FANCB: variants seen among roughly 807,000 people sequenced by gnomAD.
FANCB encodes the protein Fanconi anemia group B protein.
A neutral mutation model predicts 38.9 loss-of-function variants in FANCB; 5 were observed. The ratio of observed to expected loss-of-function variants is 0.13; its 90% CI spans 0.07 to 0.27. The LOEUF (loss-of-function observed/expected upper bound fraction) is 0.27. FANCB is among the 10% of genes least tolerant of loss of function. The pLI is 1.00. For missense variants in FANCB, 573 were observed against 602.7 expected (o/e 0.95, Z 0.52); for synonymous variants, 236 against 215.4 (o/e 1.10, Z -0.84).
chrX:14,779,650 T>A, the FANCB span, among the ~76,000 whole-genome samples: 1 of 110,482 alleles, frequency 9.1e-6, no homozygotes, highest in South Asian at 3.7e-4. Context: ...AAAAATAAAT[T>A]TCTGTTCTTT....
the FANCB span, among the ~76,000 whole-genome samples, chrX:14,775,160 G>GTTTTTTTTTTTTTTTTCTTTTTTTTTT: frequency 2.9e-5 from 1 of 35,001 alleles, no homozygotes; most frequent in Admixed American, 3.5e-4. Context: ...TTTCTCTAAT[G>GTTTTTTTTTTTTTTTTCTTTTTTTTTT]TTTTTTTTTT....
the FANCB span, among the ~76,000 whole-genome samples, chrX:14,808,394 C>G: frequency 9.0e-5 from 10 of 111,412 alleles, no homozygotes; most frequent in Non-Finnish European, 1.9e-4. Flanking sequence ...CTCTGGGATG[C>G]TAGGATGGTT....
chrX:14,821,447 G>A, the FANCB span, among the ~76,000 whole-genome samples: 4 of 111,735 alleles, frequency 3.6e-5, no homozygotes, highest in African/African-American at 1.3e-4. Flanking sequence ...CTAATTTCAT[G>A]TTTTAATTAT....
the FANCB span, among the ~76,000 whole-genome samples, chrX:14,816,094 G>A: frequency 2.7e-5 from 3 of 111,736 alleles, no homozygotes; most frequent in Non-Finnish European, 3.8e-5. Context: ...GCTATACTAA[G>A]AGCCCAGACT....
At chrX:14,694,033 T>C in the FANCB span, among the ~76,000 whole-genome samples, 17 of 111,139 alleles carry the variant, frequency 1.5e-4, no homozygotes, top group East Asian at 4.2e-3. Context: ...AAGAATAAGA[T>C]ATTAAATCCA....
At chrX:14,821,205 G>A in the FANCB span, among the ~76,000 whole-genome samples, 22 of 111,477 alleles carry the variant, frequency 2.0e-4, no homozygotes, top group Non-Finnish European at 2.6e-4. Context: ...TCTCAAAAAT[G>A]CTTTGATTCT....
At chrX:14,747,378 G>C in the FANCB span, among the ~76,000 whole-genome samples, 1 of 111,970 alleles carries the variant, frequency 8.9e-6, no homozygotes, top group Non-Finnish European at 1.9e-5. Flanking sequence ...AATTGACACA[G>C]GTATACCACA....
intron 6 of FANCB, 49 bp downstream of exon 6, chrX:14,852,990 T>C (rs896331259): frequency 8.9e-7 from 1 of 1,120,807 alleles, no homozygotes. Context: ...CAATAGCTTA[T>C]AGATTTTCAA....
the FANCB span, among the ~76,000 whole-genome samples, chrX:14,743,687 G>A: frequency 1.8e-5 from 2 of 109,283 alleles, no homozygotes; most frequent in South Asian, 7.9e-4. Context: ...GTTTCCTAGG[G>A]CTGCAGGAAT....
the FANCB span, among the ~76,000 whole-genome samples, chrX:14,814,507 A>G: frequency 8.9e-6 from 1 of 112,338 alleles, no homozygotes; most frequent in African/African-American, 3.2e-5. Context: ...AAAAGTGGGC[A>G]AAGGATATGA....
intron 7 of FANCB, among the ~76,000 whole-genome samples, chrX:14,849,348 C>T (rs1388188949): frequency 9.0e-6 from 1 of 111,509 alleles, no homozygotes; most frequent in Non-Finnish European, 1.9e-5. Context: ...CTTAGAAATT[C>T]ACTGAAACAA....
chrX:14,797,679 TAA>T, the FANCB span, among the ~76,000 whole-genome samples: 4 of 82,920 alleles, frequency 4.8e-5, no homozygotes, highest in Non-Finnish European at 4.7e-5. Flanking sequence ...GAGATTCCAT[TAA>T]AAAAAAAAAA....
the FANCB span, among the ~76,000 whole-genome samples, chrX:14,712,219 T>C: frequency 8.9e-6 from 1 of 112,670 alleles, no homozygotes; most frequent in Non-Finnish European, 1.9e-5. Context: ...AGATAATTCA[T>C]GCTTTGTGGT....
the FANCB span, among the ~76,000 whole-genome samples, chrX:14,821,862 G>A: frequency 8.9e-6 from 1 of 111,773 alleles, no homozygotes; most frequent in Non-Finnish European, 1.9e-5. Flanking sequence ...CTCAAAGTGA[G>A]AAAAAATGAG....
chrX:14,854,023 A>G (rs2092412936), intron 5 of FANCB, among the ~76,000 whole-genome samples: 1 of 112,781 alleles, frequency 8.9e-6, no homozygotes, highest in African/African-American at 3.2e-5. Context: ...TTTAAATTAC[A>G]TTTCAAAGCA....
At chrX:14,773,620 G>A in the FANCB span, among the ~76,000 whole-genome samples, 1 of 111,794 alleles carries the variant, frequency 8.9e-6, no homozygotes, top group African/African-American at 3.3e-5. Flanking sequence ...ATGGAGGAGG[G>A]GAGGAAAGGA....
the FANCB span, among the ~76,000 whole-genome samples, chrX:14,702,500 A>G: frequency 8.9e-6 from 1 of 112,385 alleles, no homozygotes; most frequent in Non-Finnish European, 1.9e-5. Context: ...TCTGGGATGT[A>G]TATTATAAAC....
At chrX:14,740,842 C>A in the FANCB span, among the ~76,000 whole-genome samples, 1 of 111,384 alleles carries the variant, frequency 9.0e-6, no homozygotes, top group East Asian at 2.8e-4. Flanking sequence ...TAAATTAGCA[C>A]CTCCCAATAA....
chrX:14,816,896 CTT>C, the FANCB span, among the ~76,000 whole-genome samples: 1 of 111,833 alleles, frequency 8.9e-6, no homozygotes, highest in African/African-American at 3.3e-5. Context: ...CTGAACCACT[CTT>C]TACCTTATCT....
Sources: gnomAD v4.1 joint callset for allele counts (sites outside exome capture counted in the v4.1 genomes callset) on GRCh38, gnomAD v4.1.1 for gene constraint, MANE v1.5 for transcripts, NCBI Gene and HGNC (gene_info 2026-07-23, HGNC 2026-07-21) for gene names.